The following C1orf21 variants were observed in gnomAD, a reference collection of about 807,000 sequenced individuals.
The protein encoded by C1orf21 is chromosome 1 open reading frame 21.
A neutral mutation model predicts 18.7 loss-of-function variants in C1orf21; 3 were observed. That is an observed-to-expected ratio of 0.16 (90% CI 0.07 to 0.42). C1orf21 has a LOEUF of 0.42. Among genes scored for constraint, C1orf21 ranks in the 10% least tolerant of loss-of-function variants. The pLI is 0.99. For missense variants in C1orf21, 104 were observed against 143.6 expected (o/e 0.72, Z 1.41); for synonymous variants, 41 against 46.4 (o/e 0.88, Z 0.47).
At chr1:184,545,664 G>A (rs1475277729) in intron 3 of C1orf21, among the ~76,000 whole-genome samples, 2 of 152,150 alleles carry the variant, frequency 1.3e-5, no homozygotes, top group African/African-American at 2.4e-5. Context: ...CTGTTGTGCA[G>A]TGCACTAAGT....
chr1:184,564,920 C>T (rs1190176793), intron 3 of C1orf21, among the ~76,000 whole-genome samples: 5 of 152,158 alleles, frequency 3.3e-5, no homozygotes, highest in South Asian at 4.1e-4. Context: ...GTTCTGCTAC[C>T]TACAGAAGTT....
At chr1:184,529,569 A>G (rs1019154908) in intron 3 of C1orf21, among the ~76,000 whole-genome samples, 1 of 152,244 alleles carries the variant, frequency 6.6e-6, no homozygotes, top group African/African-American at 2.4e-5. Flanking sequence ...GTATCAGACA[A>G]AAATCTGGAG....
At chr1:184,490,035 A>G (rs1245960818) in intron 2 of C1orf21, among the ~76,000 whole-genome samples, 3 of 152,334 alleles carry the variant, frequency 2.0e-5, no homozygotes, top group Non-Finnish European at 2.9e-5. Context: ...GGTGAAATCT[A>G]TCCCAGAGGA....
chr1:184,416,103 G>A (rs1022359196), intron 1 of C1orf21, among the ~76,000 whole-genome samples: 1 of 152,154 alleles, frequency 6.6e-6, no homozygotes, highest in African/African-American at 2.4e-5. Context: ...CTAAAGAGAT[G>A]ATTTATTGAA....
At chr1:184,404,099 GTCTACAT>G (rs1291996171) in intron 1 of C1orf21, among the ~76,000 whole-genome samples, 1 of 152,118 alleles carries the variant, frequency 6.6e-6, no homozygotes, top group Non-Finnish European at 1.5e-5. Flanking sequence ...ATTAGATATG[GTCTACAT>G]TTTACAGATG....
In C1orf21 at chr1:184,579,778, G is replaced by A. The variant is rs183644229; in HGVS notation, c.190-10961G>A. ...CCCTCCTCGGCCTGTCAAAGTGCTG[G>A]GATTACAGGCATGAGCCACTGCGCC... is the stretch of plus-strand genomic sequence containing the variant. On this transcript the variant is annotated intron_variant, in intron 3 of 5. Transcript: ENST00000235307. Among the ~76,000 whole-genome samples the A allele has an allele frequency of 3.0e-3, 449 of 152,162 alleles. 1 individual carries two copies. Among genetic ancestry groups the A allele is most frequent in the African/African-American group, 0.01 (430 of 41,498 alleles).
intron 1 of C1orf21, among the ~76,000 whole-genome samples, chr1:184,441,351 AG>A (rs1656941699): frequency 6.6e-6 from 1 of 152,252 alleles, no homozygotes; most frequent in African/African-American, 2.4e-5. Flanking sequence ...CTTTACAAAA[AG>A]GGGTGGCAGG....
intron 3 of C1orf21, among the ~76,000 whole-genome samples, chr1:184,570,606 G>A (rs1460131345): frequency 2.6e-5 from 4 of 152,156 alleles, no homozygotes; most frequent in Non-Finnish European, 4.4e-5. Flanking sequence ...TAAGAAAAGG[G>A]TGTGCTTAGA....
At chr1:184,556,915 C>A (rs531512396) in intron 3 of C1orf21, among the ~76,000 whole-genome samples, 1 of 152,230 alleles carries the variant, frequency 6.6e-6, no homozygotes, top group Non-Finnish European at 1.5e-5. Flanking sequence ...CTGAGCATCA[C>A]AAGACTTAAC....
chr1:184,473,953 T>C (rs1429794552), intron 1 of C1orf21, among the ~76,000 whole-genome samples: 1 of 152,218 alleles, frequency 6.6e-6, no homozygotes, highest in Non-Finnish European at 1.5e-5. Flanking sequence ...TGTCACTTAG[T>C]ATTTTAAAAT....
chr1:184,474,343 T>C (rs967027709), intron 1 of C1orf21, among the ~76,000 whole-genome samples: 5 of 152,182 alleles, frequency 3.3e-5, no homozygotes, highest in African/African-American at 1.2e-4. Flanking sequence ...GTAAATCATG[T>C]CTAATCTGCT....
chr1:184,522,946 C>T (rs1658324860), intron 3 of C1orf21, among the ~76,000 whole-genome samples: 1 of 152,146 alleles, frequency 6.6e-6, no homozygotes, highest in Admixed American at 6.5e-5. Context: ...CCTCGGCCTC[C>T]CAAAGTGCTG....
chr1:184,595,490 A>G (rs1659499800), intron 4 of C1orf21, among the ~76,000 whole-genome samples: 1 of 152,166 alleles, frequency 6.6e-6, no homozygotes, highest in Non-Finnish European at 1.5e-5. Context: ...TTTCTTTCAC[A>G]TGGGAAGAGG....
chr1:184,537,619 T>C (rs1296240575), intron 3 of C1orf21, among the ~76,000 whole-genome samples: 1 of 152,198 alleles, frequency 6.6e-6, no homozygotes. Context: ...GGTGTACAAG[T>C]ATCTCTTCAA....
intron 1 of C1orf21, among the ~76,000 whole-genome samples, chr1:184,452,690 G>A (rs1657140493): frequency 6.6e-6 from 1 of 152,160 alleles, no homozygotes; most frequent in African/African-American, 2.4e-5. Context: ...ATACAAAGAA[G>A]TTCCATGAAT....
intron 3 of C1orf21, among the ~76,000 whole-genome samples, chr1:184,579,106 C>T (rs979728528): frequency 5.3e-5 from 8 of 150,862 alleles, no homozygotes; most frequent in South Asian, 2.1e-4. Flanking sequence ...GGCTCCATCT[C>T]GGCTCATTGC....
chr1:184,523,675 T>C (rs1557993601), intron 3 of C1orf21, among the ~76,000 whole-genome samples: 1 of 152,186 alleles, frequency 6.6e-6, no homozygotes, highest in African/African-American at 2.4e-5. Context: ...AAGCTAGGTA[T>C]GGGGTATATG....
intron 5 of C1orf21, chr1:184,599,500 G>T (rs2102002912): frequency 6.6e-6 from 1 of 152,198 alleles, no homozygotes; most frequent in South Asian, 2.1e-4. Context: ...TAAAAGACCA[G>T]CAAAGGTCAC....
At chr1:184,413,590 A>G (rs1656395231) in intron 1 of C1orf21, among the ~76,000 whole-genome samples, 1 of 152,168 alleles carries the variant, frequency 6.6e-6, no homozygotes, top group Non-Finnish European at 1.5e-5. Context: ...GCACCAGAAA[A>G]CTATGTTTCT....
Sources: gnomAD v4.1 joint callset for allele counts (sites outside exome capture counted in the v4.1 genomes callset) on GRCh38, gnomAD v4.1.1 for gene constraint, MANE v1.5 for transcripts, NCBI Gene and HGNC (gene_info 2026-07-23, HGNC 2026-07-21) for gene names.